Variants in KIF7 observed in about 807,000 individuals in gnomAD.
The protein encoded by KIF7 is kinesin-like protein KIF7.
A neutral mutation model predicts 135.7 loss-of-function variants in KIF7; 104 were observed. The observed-to-expected ratio is 0.77, with a 90% CI of 0.65 to 0.90. The LOEUF is 0.90. KIF7 is among the 40% of genes least tolerant of loss of function. The probability of loss-of-function intolerance (pLI) is 0.00; values close to 1 mark genes in which losing one functional copy is unlikely to be tolerated. For synonymous variants in KIF7, 883 were observed against 809.4 expected, an observed-to-expected ratio of 1.09 and a Z score of -1.54; for missense variants, 2,005 against 1,839.1, an observed-to-expected ratio of 1.09 and a Z score of -1.65.
At chr15:89,625,460 A>C (rs2141986106), downstream of KIF7, 1 of 1,613,950 alleles carries the variant, frequency 6.2e-7, no homozygotes, top group Non-Finnish European at 8.5e-7. Context: ...TCACTGCTTG[A>C]GTCAGAGGGC....
At position 89,628,090 on chromosome 15, in the gene KIF7, G is replaced by GTGA. The variant is rs1235586840; in HGVS notation, c.*326_*328dup. 7 of 266,494 alleles carry GTGA rather than the reference G, an allele frequency of 2.6e-5. No individual in the cohort carries two copies. Among genetic ancestry groups the GTGA allele is most frequent in the East Asian group, 1.4e-4 (2 of 14,296 alleles). The allele number at this position is 266,494 out of a possible 1,614,324, so 16.5% of individuals were successfully genotyped here. A position where few individuals can be genotyped will look rare whatever the true frequency, so the allele number is the denominator to read the frequency against. On this transcript the variant is annotated 3_prime_UTR_variant, in exon 19 of 19. Transcript: ENST00000394412. The stretch of plus-strand genomic sequence containing the variant: ...CAACCTGGTTACCACCGACCCTTTC[G>GTGA]TGATGATTCTTGGCCAAACCCCTGA...
At chr15:89,617,420 C>T (rs1378168873) in intron 2 of KIF7, among the ~76,000 whole-genome samples, 1 of 152,126 alleles carries the variant, frequency 6.6e-6, no homozygotes, top group South Asian at 2.1e-4. Context: ...CTGTGATAGT[C>T]TGATAGTTTG....
rs578134452 is a variant in KIF7, at chr15:89,628,962, C to T, written c.3664+14G>A. The T allele has an allele frequency of 1.5e-5, 25 of 1,613,870 alleles. No homozygotes were observed. In the South Asian group the frequency reaches 2.1e-4, roughly 13 times the overall value. ...AGGGAACAGGTCTGACTTCAGAGCG[C>T]GACGAGGAGTTACCCCTGCTGTGGC... On this transcript the variant is annotated intron_variant, in intron 18 of 18. Coordinates refer to ENST00000394412, the MANE Select transcript of KIF7 (RefSeq NM_198525.3).
upstream of KIF7, among the ~76,000 whole-genome samples, chr15:89,659,930 C>T (rs1410249442): frequency 6.6e-6 from 1 of 152,250 alleles, no homozygotes; most frequent in Admixed American, 6.5e-5. Flanking sequence ...GGCATGGTAG[C>T]TCATGCCTGT....
In KIF7 at chr15:89,645,894, T is replaced by C. The variant is rs137905815; in HGVS notation, c.1921A>G (p.Arg641Gly). 264 of 1,613,184 alleles carry C rather than the reference T, an allele frequency of 1.6e-4. No individual in the cohort carries two copies. The highest frequency in any genetic ancestry group is 2.0e-4 in the Non-Finnish European group (235 of 1,179,884). The stretch of plus-strand genomic sequence containing the variant: ...GTGGGGGCAGTGGGTCCCACTCACC[T>C]GCGCAGGTGTAAGGTCCGCCTGGGC... ...EPPRRTLHLRRNRISNCSQRA... is the reference protein window; with the variant it reads ...EPPRRTLHLRGNRISNCSQRA... Residue 641 changes from arginine to glycine, a missense_variant and splice_region_variant, in exon 8 of 19, where the codon AGA becomes GGA. Coordinates refer to ENST00000394412, the MANE Select transcript of KIF7 (RefSeq NM_198525.3).
chr15:89,658,444 T>C (rs1415843365), upstream of KIF7, among the ~76,000 whole-genome samples: 2 of 151,428 alleles, frequency 1.3e-5, no homozygotes, highest in East Asian at 3.9e-4. Flanking sequence ...AGACCCCATC[T>C]CCAGAGAGAG....
chr15:89,645,665 G>A (rs1439377228), intron 8 of KIF7, among the ~76,000 whole-genome samples: 1 of 152,142 alleles, frequency 6.6e-6, no homozygotes, highest in Non-Finnish European at 1.5e-5. Flanking sequence ...CCTGGAGGCT[G>A]AAGTCAGGAG....
chr15:89,645,295 GC>G, intron 9 of KIF7, 40 bp downstream of exon 9: 1 of 1,599,328 alleles, frequency 6.3e-7, no homozygotes, highest in Admixed American at 1.7e-5. Context: ...CCGTGGAGGG[GC>G]AGTGGGGAGG....
Position 89,628,459 on chromosome 15 carries a change from G to A in KIF7, c.3992C>T (p.Ala1331Val), listed in dbSNP as rs1363015734. ...CCGGACATCAATCATCCCCGGGCTGGCTCGTCGCAGTTCCCGCCGGGGCTT... is the reference window on the plus strand; with the variant it reads ...CCGGACATCAATCATCCCCGGGCTGACTCGTCGCAGTTCCCGCCGGGGCTT... ...LSKPRRELRR[A>V]SPGMIDVRKN... Residue 1331 changes from alanine to valine, a missense_variant, in exon 19 of 19, where the codon GCC (alanine) becomes GTC (valine). Physicochemically the swap from Ala to Val is moderately conservative, Grantham distance 64. Transcript: ENST00000394412. 2 of 1,608,992 alleles carry A rather than the reference G, an allele frequency of 1.2e-6. No homozygotes were observed. The highest frequency in any genetic ancestry group is 2.7e-5 in the African/African-American group (2 of 74,826).
chr15:89,649,382 G>A lies in KIF7; in HGVS notation c.530-15C>T, dbSNP rs1964085867. 1 of 1,448,426 alleles carries A rather than the reference G, an allele frequency of 6.9e-7. No individual in the cohort carries two copies. The highest frequency in any genetic ancestry group is 9.1e-7 in the Non-Finnish European group (1 of 1,098,292). 89.7% of individuals were successfully genotyped at this position (1,448,426 alleles called of 1,614,324 possible). A position where few individuals can be genotyped will look rare whatever the true frequency, so the allele number is the denominator to read the frequency against. Reference sequence around the variant, plus strand: ...CCCGCACAGCACTGCGGGCACAGAAGGCCGTGAGCCCCAGGGCAGGGGCCG... The same window carrying A: ...CCCGCACAGCACTGCGGGCACAGAAAGCCGTGAGCCCCAGGGCAGGGGCCG... On this transcript the variant is annotated splice_polypyrimidine_tract_variant and intron_variant, in intron 3 of 18. Transcript: ENST00000394412.
chr15:89,636,290 C>G (rs1206531473), intron 11 of KIF7, among the ~76,000 whole-genome samples: 1 of 150,106 alleles, frequency 6.7e-6, no homozygotes, highest in Non-Finnish European at 1.5e-5. Context: ...AAATAACCAG[C>G]TAACATCATA....
At chr15:89,625,795 G>A (rs772398587), downstream of KIF7, 18 of 1,588,264 alleles carry the variant, frequency 1.1e-5, no homozygotes, top group African/African-American at 5.4e-5. Context: ...CGGTGAGTTC[G>A]TTTTTGAAAC....
chr15:89,626,098 A>C, downstream of KIF7: 2 of 1,604,638 alleles, frequency 1.2e-6, no homozygotes, highest in South Asian at 2.2e-5. Context: ...CTTTCCTGTG[A>C]CAGACTGTCT....
chr15:89,655,132 C>G (rs1386031751), intron 1 of KIF7, among the ~76,000 whole-genome samples: 1 of 152,250 alleles, frequency 6.6e-6, no homozygotes, highest in African/African-American at 2.4e-5. Context: ...CGGGACCCGA[C>G]TCTCGCAGCC....
At chr15:89,645,853 A>G (rs986395300) in intron 8 of KIF7, 40 bp downstream of exon 8, 3 of 1,607,282 alleles carry the variant, frequency 1.9e-6, no homozygotes, top group Non-Finnish European at 2.5e-6. Flanking sequence ...CTGGGCCCTG[A>G]GCAGGTCCTT....
upstream of KIF7, among the ~76,000 whole-genome samples, chr15:89,658,113 T>G (rs184585405): frequency 1.4e-3 from 210 of 152,300 alleles, 1 homozygote; most frequent in African/African-American, 4.7e-3. Flanking sequence ...CCAGCTGACA[T>G]TCGAGAGAAC....
At chr15:89,617,336 T>C (rs904966714) in intron 2 of KIF7, among the ~76,000 whole-genome samples, 4 of 152,188 alleles carry the variant, frequency 2.6e-5, no homozygotes, top group Non-Finnish European at 4.4e-5. Flanking sequence ...TTTAATTAAA[T>C]TTTTTATAAC....
chr15:89,625,940 C>T, downstream of KIF7: 1 of 1,572,376 alleles, frequency 6.4e-7, no homozygotes, highest in South Asian at 1.2e-5. Context: ...CTTTAGGCTC[C>T]ACCCCACCTC....
In KIF7 at chr15:89,647,702, C is replaced by T; in HGVS notation, c.1454G>A (p.Gly485Glu). 6.4e-7 allele frequency: 1 copy of T among 1,574,008 alleles called. No homozygotes were observed. Among genetic ancestry groups the T allele is most frequent in the Non-Finnish European group, 8.6e-7 (1 of 1,162,240 alleles). ...QGAGGRKEDE[G>E]AQQLLTLQNQ... ...CTGCAGGGTCAGCAGCTGCTGCGCC[C>T]CCTCATCCTCCTATAGGGCAGGGAG... Residue 485 changes from glycine to glutamate, a missense_variant, in exon 6 of 19, where the codon GGG (glycine) becomes GAG (glutamate). By Grantham distance (98) the Gly-to-Glu change is moderately conservative (BLOSUM62 -2). Transcript: ENST00000394412.
Sources: gnomAD v4.1 joint callset for allele counts (sites outside exome capture counted in the v4.1 genomes callset) on GRCh38, gnomAD v4.1.1 for gene constraint, MANE v1.5 for transcripts, NCBI Gene and HGNC (gene_info 2026-07-23, HGNC 2026-07-21) for gene names.